PSMD1: variants seen among roughly 807,000 people sequenced by gnomAD.
The protein encoded by PSMD1 is 26S proteasome non-ATPase regulatory subunit 1.
PSMD1 carries 18 observed loss-of-function variants against 119.0 expected under a neutral mutation model. That is an observed-to-expected ratio of 0.15 (90% CI 0.10 to 0.22). The LOEUF (loss-of-function observed/expected upper bound fraction) is 0.22, where lower values mean the gene tolerates loss of function less well. PSMD1 is among the 10% of genes least tolerant of loss of function. The pLI, the probability that PSMD1 is intolerant of heterozygous loss-of-function variation, is 1.00. For missense variants in PSMD1, 702 were observed against 1,158.5 expected (o/e 0.61, Z 5.72); for synonymous variants, 374 against 396.6 (o/e 0.94, Z 0.68).
At chr2:231,086,386 G>T (rs1027293860) in intron 15 of PSMD1, among the ~76,000 whole-genome samples, 2 of 152,228 alleles carry the variant, frequency 1.3e-5, no homozygotes, top group African/African-American at 4.8e-5. Flanking sequence ...GCCGGGCATG[G>T]TGGCGTACAC....
intron 13 of PSMD1, 102 bp downstream of exon 13, chr2:231,083,096 G>C (rs1198230201): frequency 1.1e-6 from 1 of 889,172 alleles, no homozygotes; most frequent in East Asian, 2.7e-5. Context: ...AAATTCCGAT[G>C]GATTTCTCTA....
Position 231,085,048 on chromosome 2 carries a change from T to C in PSMD1, c.1752T>C (p.Tyr584=). The change falls in exon 15 of 25, where the codon TAT becomes TAC. Residue 584 remains tyrosine, a synonymous_variant. Coordinates refer to ENST00000308696, the MANE Select transcript of PSMD1 (RefSeq NM_002807.4). ...KDPILRRSGM[Y]TVAMAYCGSG... is the part of the protein sequence containing the mutation. Reference sequence around the variant, plus strand: ...CAATTCTTCGAAGGTCTGGAATGTATACTGTAGCCATGGCTTATTGTGGCT... The same window carrying C: ...CAATTCTTCGAAGGTCTGGAATGTACACTGTAGCCATGGCTTATTGTGGCT... 1 of 1,613,946 alleles carries C rather than the reference T, an allele frequency of 6.2e-7. No individual in the cohort carries two copies. Among genetic ancestry groups the C allele is most frequent in the East Asian group, 2.2e-5 (1 of 44,886 alleles).
intron 16 of PSMD1, among the ~76,000 whole-genome samples, chr2:231,110,302 AAAGT>A (rs1306401254): frequency 6.6e-6 from 1 of 152,184 alleles, no homozygotes; most frequent in Non-Finnish European, 1.5e-5. Context: ...GCTCAGCGAC[AAAGT>A]AAGACTCTGT....
intron 16 of PSMD1, among the ~76,000 whole-genome samples, chr2:231,090,815 A>C (rs1489376779): frequency 6.6e-6 from 1 of 152,218 alleles, no homozygotes; most frequent in Non-Finnish European, 1.5e-5. Context: ...TGGTGAAAAT[A>C]ACAAGAGAAC....
chr2:231,169,901 A>G (rs1179750079), intron 23 of PSMD1, among the ~76,000 whole-genome samples: 2 of 152,166 alleles, frequency 1.3e-5, no homozygotes, highest in East Asian at 1.9e-4. Context: ...TTTGTTTCCC[A>G]TGTATTTTTT....
At chr2:231,106,822 A>G (rs1025719409) in intron 16 of PSMD1, among the ~76,000 whole-genome samples, 6 of 152,168 alleles carry the variant, frequency 3.9e-5, no homozygotes, top group African/African-American at 1.4e-4. Flanking sequence ...ATTGCCTGCC[A>G]ACTCTGGTGT....
At chr2:231,089,593 G>A (rs1430583550) in intron 16 of PSMD1, among the ~76,000 whole-genome samples, 1 of 145,562 alleles carries the variant, frequency 6.9e-6, no homozygotes, top group Non-Finnish European at 1.5e-5. Flanking sequence ...AGAATTAATA[G>A]GATATATATA....
At chr2:231,075,614 C>G in intron 8 of PSMD1, 43 bp downstream of exon 8, 3 of 1,572,270 alleles carry the variant, frequency 1.9e-6, no homozygotes, top group Non-Finnish European at 2.6e-6. Flanking sequence ...GGGTCCTGAT[C>G]TGTCACCCAG....
Position 231,077,176 on chromosome 2 carries a change from C to T in PSMD1, c.1071+14C>T. On this transcript the variant is annotated intron_variant, in intron 9 of 24. Transcript: ENST00000308696. The stretch of plus-strand genomic sequence containing the variant: ...AAAAACACAAAGGTAAGAAATTCAT[C>T]AATAATAGAGGATTTTAAAAAATAT... The T allele has an allele frequency of 5.5e-6, 8 of 1,457,304 alleles. No individual in the cohort carries two copies. Among genetic ancestry groups the T allele is most frequent in the Non-Finnish European group, 7.4e-6 (8 of 1,084,094 alleles). The allele number at this position is 1,457,304 out of a possible 1,614,324, so 90.3% of individuals were successfully genotyped here.
intron 16 of PSMD1, among the ~76,000 whole-genome samples, chr2:231,104,126 CTTTATAT>C (rs1261631460): frequency 6.6e-6 from 1 of 152,070 alleles, no homozygotes; most frequent in African/African-American, 2.4e-5. Flanking sequence ...TTGTCAGTGA[CTTTATAT>C]TTTATAACAA....
chr2:231,067,926 G>A (rs1380175538), intron 5 of PSMD1, among the ~76,000 whole-genome samples: 2 of 152,132 alleles, frequency 1.3e-5, no homozygotes, highest in Non-Finnish European at 2.9e-5. Context: ...CAAAGTGCTG[G>A]GATTATAGGC....
At chr2:231,079,181 A>T (rs1216860670) in intron 10 of PSMD1, among the ~76,000 whole-genome samples, 1 of 152,040 alleles carries the variant, frequency 6.6e-6, no homozygotes, top group Non-Finnish European at 1.5e-5. Flanking sequence ...ATTCTAAATT[A>T]TATTTTTGCT....
chr2:231,170,793 C>A lies in PSMD1; in HGVS notation c.*9+72C>A. 1 of 1,427,616 alleles carries A rather than the reference C, an allele frequency of 7.0e-7. No individual in the cohort carries two copies. Among genetic ancestry groups the A allele is most frequent in the Non-Finnish European group, 9.4e-7 (1 of 1,064,364 alleles). 88.4% of individuals were successfully genotyped at this position (1,427,616 alleles called of 1,614,324 possible). ...TCACAAATGTTTTTTGCAAGGACAT[C>A]ATCTCACGTTTTTCCTTCCTTTTGT... On this transcript the variant is annotated intron_variant, in intron 24 of 24. Transcript: ENST00000308696. The surrounding 1 kb of genome is among the most constrained non-coding windows in gnomAD (Gnocchi z 4.1).
At chr2:231,137,196 C>T (rs1695992655) in intron 16 of PSMD1, among the ~76,000 whole-genome samples, 1 of 151,406 alleles carries the variant, frequency 6.6e-6, no homozygotes, top group Admixed American at 6.6e-5. Context: ...TGTCTCACTG[C>T]AACCTCTGCC....
At position 231,093,539 on chromosome 2, in the gene PSMD1, C is replaced by T. The variant is rs536877913; in HGVS notation, c.1883+6358C>T. ...GTATCGTGCTAGAATCCAGAGAGGA[C>T]CTGAGGGGGTGTGAACACAAGCATA... On this transcript the variant is annotated intron_variant, in intron 16 of 24. Transcript: ENST00000308696. Among the ~76,000 whole-genome samples the T allele has an allele frequency of 9.2e-5, 14 of 152,212 alleles. No homozygotes were observed. The East Asian group carries it at 2.7e-3, about 29-fold the overall frequency.
intron 16 of PSMD1, chr2:231,113,871 G>C (rs1340986001): frequency 6.2e-7 from 1 of 1,614,160 alleles, no homozygotes; most frequent in Admixed American, 1.7e-5. Flanking sequence ...CGGTTGAAAA[G>C]AGAACGTCAA....
intron 16 of PSMD1, among the ~76,000 whole-genome samples, chr2:231,127,967 A>T (rs1211142342): frequency 1.3e-5 from 2 of 152,110 alleles, no homozygotes. Context: ...TAATTGGCAC[A>T]TTTTTTTCTA....
chr2:231,079,410 T>G, intron 10 of PSMD1, 126 bp from the exon 11 acceptor site: 7 of 514,534 alleles, frequency 1.4e-5, no homozygotes, highest in Non-Finnish European at 2.1e-5. Context: ...AGTAGTAACT[T>G]GAGATCCACA....
intron 19 of PSMD1, among the ~76,000 whole-genome samples, chr2:231,158,781 G>C (rs189453107): frequency 1.4e-4 from 22 of 152,138 alleles, no homozygotes; most frequent in African/African-American, 4.8e-4. Context: ...TGTGAGACTG[G>C]AGTCTCCTTA....
Sources: gnomAD v4.1 joint callset for allele counts (sites outside exome capture counted in the v4.1 genomes callset) on GRCh38, gnomAD v4.1.1 for gene constraint, Gnocchi (gnomAD v3.1) non-coding constraint, MANE v1.5 for transcripts, NCBI Gene and HGNC (gene_info 2026-07-23, HGNC 2026-07-21) for gene names.